NRXN3: variants seen among roughly 807,000 people sequenced by gnomAD.
NRXN3 encodes the protein neurexin 3.
Under a neutral mutation model 137.6 loss-of-function variants are expected in NRXN3, and 32 were observed. The ratio of observed to expected loss-of-function variants is 0.23; its 90% CI spans 0.18 to 0.31. NRXN3 has a LOEUF of 0.31. NRXN3 is among the 10% of genes least tolerant of loss of function. The pLI is 1.00. For missense variants in NRXN3, 1,574 were observed against 2,062.5 expected (o/e 0.76, Z 4.59); for synonymous variants, 798 against 784.5 (o/e 1.02, Z -0.29).
At chr14:78,312,051 C>T (rs916159056) in intron 4 of NRXN3, among the ~76,000 whole-genome samples, 4 of 152,202 alleles carry the variant, frequency 2.6e-5, no homozygotes, top group Non-Finnish European at 4.4e-5. Flanking sequence ...TTTTCTTTCT[C>T]CTCCCACCAA....
chr14:79,435,333 G>A (rs2095828177), intron 15 of NRXN3, among the ~76,000 whole-genome samples: 1 of 151,480 alleles, frequency 6.6e-6, no homozygotes, highest in Non-Finnish European at 1.5e-5. Flanking sequence ...TTTCATTGAG[G>A]CCTGGGATGA....
At chr14:79,405,616 A>C (rs546571760) in intron 15 of NRXN3, among the ~76,000 whole-genome samples, 1 of 152,132 alleles carries the variant, frequency 6.6e-6, no homozygotes, top group Non-Finnish European at 1.5e-5. Context: ...CAACTAATCA[A>C]TGAGGTTTAT....
intron 15 of NRXN3, among the ~76,000 whole-genome samples, chr14:79,041,429 G>T (rs551863592): frequency 6.6e-6 from 1 of 152,148 alleles, no homozygotes; most frequent in Non-Finnish European, 1.5e-5. Flanking sequence ...AACCACATCC[G>T]CAGAAAGTGC....
chr14:78,943,609 T>G (rs2099357376), intron 10 of NRXN3, among the ~76,000 whole-genome samples: 1 of 43,656 alleles, frequency 2.3e-5, no homozygotes, highest in African/African-American at 1.2e-4. Flanking sequence ...AAGATCACTG[T>G]TAAAAAAAAA....
chr14:79,517,102 C>CCG (rs1555499673), intron 16 of NRXN3, among the ~76,000 whole-genome samples: 2 of 150,890 alleles, frequency 1.3e-5, no homozygotes, highest in African/African-American at 4.9e-5. Flanking sequence ...GCCCCCCCCC[C>CCG]CTCAACGAAT....
intron 4 of NRXN3, among the ~76,000 whole-genome samples, chr14:78,425,849 G>T (rs1388036212): frequency 6.6e-6 from 1 of 152,178 alleles, no homozygotes; most frequent in Non-Finnish European, 1.5e-5. Flanking sequence ...CTGAGGAACT[G>T]CAGCACCTAA....
intron 10 of NRXN3, among the ~76,000 whole-genome samples, chr14:78,835,290 T>C (rs1219946866): frequency 6.6e-6 from 1 of 152,166 alleles, no homozygotes; most frequent in Non-Finnish European, 1.5e-5. Flanking sequence ...ATTTACGCAC[T>C]TCACTAAGAT....
rs138230499 is a variant in NRXN3 at position 79,141,187 on chromosome 14, G to A, written c.3262+153046G>A. On this transcript the variant is annotated intron_variant, in intron 15 of 20. Coordinates refer to ENST00000335750, the MANE Select transcript of NRXN3 (RefSeq NM_001330195.2). ...TAAATGATATGACAACACAGCTCAT[G>A]CCAGTGGTGGACTTCTACAACCAGT... Among the ~76,000 whole-genome samples, 3 of 152,274 alleles carry A rather than the reference G, an allele frequency of 2.0e-5. No individual in the cohort carries two copies. The East Asian group carries it at 5.8e-4, about 29-fold the overall frequency.
rs558456748 is a variant in NRXN3 at position 78,358,567 on chromosome 14, G to A, written c.757+60707G>A. Among the ~76,000 whole-genome samples the A allele has an allele frequency of 5.2e-4, 79 of 152,260 alleles. 1 individual carries two copies. The highest frequency in any genetic ancestry group is 1.7e-3 in the African/African-American group (71 of 41,560). On this transcript the variant is annotated intron_variant, in intron 4 of 20. Transcript: ENST00000335750. The stretch of plus-strand genomic sequence containing the variant: ...ATGCATGTTGAGTCTAAGATTCCTG[G>A]GGGGATGTCTCATTTTTCCTGTCTT...
intron 15 of NRXN3, among the ~76,000 whole-genome samples, chr14:79,379,961 A>G (rs1421797369): frequency 6.6e-6 from 1 of 151,974 alleles, no homozygotes; most frequent in Non-Finnish European, 1.5e-5. Flanking sequence ...ATAGGTGGGA[A>G]TCCCATAGAC....
chr14:78,600,786 T>C (rs1463497653), intron 4 of NRXN3, among the ~76,000 whole-genome samples: 1 of 152,174 alleles, frequency 6.6e-6, no homozygotes, highest in Non-Finnish European at 1.5e-5. Flanking sequence ...ACAACAAACA[T>C]CTAAACCTGA....
At chr14:79,411,458 G>T (rs1408366862) in intron 15 of NRXN3, among the ~76,000 whole-genome samples, 2 of 151,978 alleles carry the variant, frequency 1.3e-5, no homozygotes, top group Non-Finnish European at 2.9e-5. Context: ...TTGTCACATT[G>T]TATAGCCTGT....
At position 79,590,675 on chromosome 14, in the gene NRXN3, A is replaced by C. The variant is rs141573791; in HGVS notation, c.3445-73103A>C. ...CCTATGGCCACCATGGAAACCATCC[A>C]TCATGAACAGCACCTATGCCCCTGG... On this transcript the variant is annotated intron_variant, in intron 16 of 20. Transcript: ENST00000335750. Among the ~76,000 whole-genome samples the C allele has an allele frequency of 1.6e-3, 246 of 152,214 alleles. 7 individuals carry two copies. In the East Asian group the frequency reaches 0.04, roughly 25 times the overall value.
At chr14:78,508,154 T>C (rs2096030954) in intron 4 of NRXN3, among the ~76,000 whole-genome samples, 1 of 152,180 alleles carries the variant, frequency 6.6e-6, no homozygotes, top group Non-Finnish European at 1.5e-5. Flanking sequence ...TAGCATGAAA[T>C]GCTGAAAAGA....
At chr14:79,719,382 G>GTGTGTATATATA (rs1555660546) in intron 19 of NRXN3, among the ~76,000 whole-genome samples, 2 of 127,788 alleles carry the variant, frequency 1.6e-5, no homozygotes, top group Non-Finnish European at 3.4e-5. Context: ...GTATATATAT[G>GTGTGTATATATA]TGTGTGTATA....
intron 17 of NRXN3, among the ~76,000 whole-genome samples, chr14:79,665,319 T>C (rs2098552815): frequency 1.3e-5 from 2 of 152,110 alleles, no homozygotes; most frequent in South Asian, 4.2e-4. Context: ...AGCTCAGCCA[T>C]TGCTAGGGGT....
intron 19 of NRXN3, among the ~76,000 whole-genome samples, chr14:79,726,881 G>A (rs952659016): frequency 5.3e-5 from 8 of 152,066 alleles, no homozygotes; most frequent in African/African-American, 1.9e-4. Context: ...TAAATGATGG[G>A]GGAAAGAGAC....
At chr14:78,926,851 T>G (rs1470989191) in intron 10 of NRXN3, among the ~76,000 whole-genome samples, 2 of 25,890 alleles carry the variant, frequency 7.7e-5, no homozygotes, top group East Asian at 4.7e-3. Flanking sequence ...ATATAATATA[T>G]TATATATATA....
At chr14:78,907,505 T>TATGC (rs1354742372) in intron 10 of NRXN3, among the ~76,000 whole-genome samples, 4 of 152,178 alleles carry the variant, frequency 2.6e-5, no homozygotes, top group African/African-American at 9.6e-5. Flanking sequence ...TTCCAACTTG[T>TATGC]ATGCATGTTT....
Sources: allele counts gnomAD v4.1 joint callset (sites outside exome capture counted in the v4.1 genomes callset), GRCh38; gene constraint gnomAD v4.1.1; transcripts MANE v1.5; gene names NCBI Gene and HGNC (gene_info 2026-07-23, HGNC 2026-07-21).